NOXRED1: variants seen among roughly 807,000 people sequenced by gnomAD.
NOXRED1 encodes NADP dependent oxidoreductase domain containing 1, also known as NADP-dependent oxidoreductase domain-containing protein 1.
A neutral mutation model predicts 30.4 loss-of-function variants in NOXRED1; 20 were observed. The ratio of observed to expected loss-of-function variants is 0.66; its 90% confidence interval spans 0.46 to 0.96. The LOEUF (loss-of-function observed/expected upper bound fraction) is 0.96, where lower values mean the gene tolerates loss of function less well. Ranked by LOEUF, NOXRED1 falls within the 40% of genes least tolerant of loss-of-function variation. The pLI is 0.00. For synonymous variants in NOXRED1, 155 were observed against 168.0 expected, an observed-to-expected ratio of 0.92 and a Z score of 0.60; for missense variants, 374 against 428.0, an observed-to-expected ratio of 0.87 and a Z score of 1.11.
intron 5 of NOXRED1, among the ~76,000 whole-genome samples, chr14:77,396,437 T>C (rs577563790): frequency 1.3e-5 from 2 of 152,064 alleles, no homozygotes; most frequent in South Asian, 2.1e-4. Flanking sequence ...TTAATAGAGA[T>C]GGGGTTTCTC....
At chr14:77,418,817 T>C (rs2139700327) in intron 1 of NOXRED1, among the ~76,000 whole-genome samples, 1 of 151,526 alleles carries the variant, frequency 6.6e-6, no homozygotes, top group Admixed American at 6.6e-5. Context: ...GTGTGAGCCA[T>C]CACACTTGGC....
chr14:77,406,174 C>A (rs1411853833), intron 4 of NOXRED1, 39 bp from the exon 5 acceptor site: 1 of 1,437,454 alleles, frequency 7.0e-7, no homozygotes, highest in Non-Finnish European at 9.7e-7. Flanking sequence ...GTTAGCACCA[C>A]CAAAAATGAG....
intron 5 of NOXRED1, among the ~76,000 whole-genome samples, chr14:77,396,842 G>C (rs1284363823): frequency 6.6e-6 from 1 of 152,144 alleles, no homozygotes; most frequent in Non-Finnish European, 1.5e-5. Flanking sequence ...ACAAAATTAA[G>C]ATGTCAGTTT....
intron 1 of NOXRED1, among the ~76,000 whole-genome samples, chr14:77,420,775 G>A (rs1035471135): frequency 1.3e-5 from 2 of 152,138 alleles, no homozygotes; most frequent in African/African-American, 4.8e-5. Context: ...TTACAGACTG[G>A]CACCATACAG....
chr14:77,404,328 G>C (rs1192050611), intron 5 of NOXRED1, among the ~76,000 whole-genome samples: 1 of 152,180 alleles, frequency 6.6e-6, no homozygotes, highest in African/African-American at 2.4e-5. Flanking sequence ...ATTGATGATT[G>C]ATTGGAATAC....
Position 77,415,631 on chromosome 14 carries a change from TAGAC to T in NOXRED1, c.156-1508_156-1505del, listed in dbSNP as rs543991068. ...ATAGATAGATAGATAGATAGATAGA[TAGAC>T]AGACAGACAGACATATAGATATAGT... On this transcript the variant is annotated intron_variant, in intron 1 of 5. Transcript: ENST00000380835. 5.0e-3 allele frequency among the ~76,000 whole-genome samples: 704 copies of T among 141,378 alleles called. 4 individuals carry two copies. Among genetic ancestry groups the T allele is most frequent in the African/African-American group, 0.018 (656 of 36,728 alleles). The allele number at this position is 141,378 out of a possible 152,430, so 92.7% of individuals were successfully genotyped here.
chr14:77,412,727 G>C (rs971024471), intron 2 of NOXRED1, among the ~76,000 whole-genome samples: 1 of 152,076 alleles, frequency 6.6e-6, no homozygotes, highest in African/African-American at 2.4e-5. Context: ...TGGCCAGGCT[G>C]GTCTCAAACT....
intron 5 of NOXRED1, among the ~76,000 whole-genome samples, chr14:77,401,766 G>A (rs910051583): frequency 6.6e-5 from 10 of 152,178 alleles, no homozygotes; most frequent in East Asian, 1.9e-4. Context: ...AAAGTCAGAG[G>A]AGTAACACTA....
chr14:77,397,593 A>T (rs1273848335), intron 5 of NOXRED1, among the ~76,000 whole-genome samples: 1 of 152,220 alleles, frequency 6.6e-6, no homozygotes, highest in East Asian at 1.9e-4. Flanking sequence ...AAATAAAGAA[A>T]AAAATTATCT....
upstream of NOXRED1, among the ~76,000 whole-genome samples, chr14:77,423,966 C>T (rs1895065905): frequency 6.6e-6 from 1 of 152,150 alleles, no homozygotes; most frequent in Non-Finnish European, 1.5e-5. Context: ...ACGCCTACAC[C>T]CATTAAGCAG....
At chr14:77,404,561 AT>A (rs1221070219) in intron 5 of NOXRED1, among the ~76,000 whole-genome samples, 1 of 152,190 alleles carries the variant, frequency 6.6e-6, no homozygotes, top group African/African-American at 2.4e-5. Flanking sequence ...CAGTGAAAAG[AT>A]GGGAACCTAA....
chr14:77,395,945 G>A (rs541112551), intron 5 of NOXRED1, among the ~76,000 whole-genome samples: 6 of 152,038 alleles, frequency 3.9e-5, no homozygotes, highest in Non-Finnish European at 8.8e-5. Context: ...AGACAGGCAT[G>A]ATGGTGCGCA....
chr14:77,402,013 C>A (rs1175472292), intron 5 of NOXRED1, among the ~76,000 whole-genome samples: 1 of 152,108 alleles, frequency 6.6e-6, no homozygotes, highest in East Asian at 1.9e-4. Context: ...TAGACACAAA[C>A]CTTACACCCT....
chr14:77,407,766 T>C (rs910628788), intron 2 of NOXRED1, 121 bp from the exon 3 acceptor site: 3 of 677,954 alleles, frequency 4.4e-6, no homozygotes, highest in African/African-American at 3.6e-5. Flanking sequence ...TATTGCTCCA[T>C]AAATCAGAAG....
intron 5 of NOXRED1, among the ~76,000 whole-genome samples, chr14:77,403,901 A>G (rs1894389771): frequency 6.6e-6 from 1 of 152,148 alleles, no homozygotes; most frequent in Non-Finnish European, 1.5e-5. Context: ...CAATGCCTCA[A>G]AATTCTCCCA....
chr14:77,400,236 A>C (rs184441693), intron 5 of NOXRED1, among the ~76,000 whole-genome samples: 2 of 152,368 alleles, frequency 1.3e-5, no homozygotes, highest in East Asian at 3.9e-4. Flanking sequence ...GGAAAATGAT[A>C]TAGGTCAGAA....
intron 2 of NOXRED1, among the ~76,000 whole-genome samples, chr14:77,413,552 A>G (rs1247407596): frequency 6.6e-6 from 1 of 152,030 alleles, no homozygotes; most frequent in Non-Finnish European, 1.5e-5. Flanking sequence ...ACATTTTTTT[A>G]AAGTCAGTAA....
chr14:77,414,176 T>C (rs1026640050), intron 1 of NOXRED1, 49 bp from the exon 2 acceptor site: 1 of 1,054,082 alleles, frequency 9.5e-7, no homozygotes, highest in Admixed American at 3.7e-5. Context: ...CACACACTAG[T>C]TTTTCTTTTT....
chr14:77,407,760 G>A (rs1380804423), intron 2 of NOXRED1, 115 bp from the exon 3 acceptor site: 9 of 701,360 alleles, frequency 1.3e-5, no homozygotes, highest in Non-Finnish European at 1.5e-5. Flanking sequence ...CCATCTTATT[G>A]CTCCATAAAT....
Sources: allele counts gnomAD v4.1 joint callset (sites outside exome capture counted in the v4.1 genomes callset), GRCh38; gene constraint gnomAD v4.1.1; transcripts MANE v1.5; gene names NCBI Gene and HGNC (gene_info 2026-07-23, HGNC 2026-07-21).